Variants in SND1 observed in about 807,000 individuals in gnomAD.
SND1 encodes the protein staphylococcal nuclease domain-containing protein 1.
SND1 carries 38 observed loss-of-function variants against 121.7 expected under a neutral mutation model. That is an observed-to-expected ratio of 0.31 (90% CI 0.24 to 0.41). SND1 has a LOEUF of 0.41. Ranked by LOEUF, SND1 falls within the 10% of genes least tolerant of loss-of-function variation. SND1 has a pLI of 1.00. For missense variants in SND1, 868 were observed against 1,184.6 expected (o/e 0.73, Z 3.92); for synonymous variants, 401 against 447.4 (o/e 0.90, Z 1.31).
chr7:127,910,977 G>C (rs190405495), intron 14 of SND1, among the ~76,000 whole-genome samples: 1 of 152,326 alleles, frequency 6.6e-6, no homozygotes, highest in Admixed American at 6.5e-5. Flanking sequence ...CCAGCTCACT[G>C]TCTGCAGAAC....
rs552965910 is a variant in SND1, at chr7:127,721,814, CT to C, written c.1152+415del. ...GATTTGATAGTTCTTTATGTTTTTG[CT>C]CTAGGAAGAAATGAATCTTGGTATA... On this transcript the variant is annotated intron_variant, in intron 10 of 23. Coordinates refer to ENST00000354725, the MANE Select transcript of SND1 (RefSeq NM_014390.4). 3.3e-5 allele frequency among the ~76,000 whole-genome samples: 5 copies of C among 152,298 alleles called. No homozygotes were observed. The East Asian group carries it at 9.6e-4, about 29-fold the overall frequency.
chr7:128,014,541 G>C (rs896926192), intron 16 of SND1, among the ~76,000 whole-genome samples: 2 of 152,156 alleles, frequency 1.3e-5, no homozygotes, highest in Non-Finnish European at 2.9e-5. Flanking sequence ...CCCAAAGGCG[G>C]GTGGGAAGGC....
At chr7:127,967,794 G>C (rs888987753) in intron 15 of SND1, among the ~76,000 whole-genome samples, 2 of 152,204 alleles carry the variant, frequency 1.3e-5, no homozygotes, top group Non-Finnish European at 2.9e-5. Context: ...TGTTGACGTT[G>C]GTGAGGTCAT....
At chr7:128,004,828 C>T (rs928752295) in intron 16 of SND1, among the ~76,000 whole-genome samples, 1 of 152,306 alleles carries the variant, frequency 6.6e-6, no homozygotes, top group African/African-American at 2.4e-5. Context: ...GGTCAGTATC[C>T]GTTTCACCCT....
intron 15 of SND1, among the ~76,000 whole-genome samples, chr7:127,962,854 G>A (rs1228434312): frequency 2.0e-5 from 3 of 152,130 alleles, no homozygotes; most frequent in African/African-American, 7.2e-5. Context: ...TTGCAATCAG[G>A]CATAACATGT....
intron 9 of SND1, among the ~76,000 whole-genome samples, chr7:127,720,088 GA>G (rs1796465545): frequency 6.6e-6 from 1 of 152,168 alleles, no homozygotes. Context: ...GCAAGTAAAT[GA>G]ATACATTCTG....
chr7:127,756,858 ATAT>A (rs989682461), intron 10 of SND1, among the ~76,000 whole-genome samples: 4 of 152,228 alleles, frequency 2.6e-5, no homozygotes, highest in African/African-American at 9.6e-5. Context: ...ACTAATAAAA[ATAT>A]TATTTGTTTA....
At chr7:127,758,838 T>G (rs1002906196) in intron 10 of SND1, among the ~76,000 whole-genome samples, 1 of 152,066 alleles carries the variant, frequency 6.6e-6, no homozygotes, top group Non-Finnish European at 1.5e-5. Context: ...GAGGATCACT[T>G]AAGCCCAGAA....
At chr7:128,035,045 GCT>G (rs1285624641) in intron 16 of SND1, among the ~76,000 whole-genome samples, 1 of 152,246 alleles carries the variant, frequency 6.6e-6, no homozygotes, top group African/African-American at 2.4e-5. Context: ...CAGGGAGACT[GCT>G]GTGATAACGC....
chr7:128,021,104 A>G (rs538644323), intron 16 of SND1, among the ~76,000 whole-genome samples: 20 of 152,168 alleles, frequency 1.3e-4, no homozygotes, highest in Non-Finnish European at 2.8e-4. Flanking sequence ...TCTTAAAGAG[A>G]TGAATTGGAA....
chr7:127,971,171 A>G (rs1801978807), intron 15 of SND1, among the ~76,000 whole-genome samples: 1 of 152,108 alleles, frequency 6.6e-6, no homozygotes, highest in Admixed American at 6.5e-5. Flanking sequence ...TTTCGATGTC[A>G]CTTTTCCCTG....
At chr7:127,879,705 T>C (rs922360944) in intron 12 of SND1, among the ~76,000 whole-genome samples, 1 of 152,076 alleles carries the variant, frequency 6.6e-6, no homozygotes, top group Non-Finnish European at 1.5e-5. Context: ...CCTGTAATTG[T>C]GGGGAAAGTA....
At chr7:127,653,766 A>G (rs982397671) in intron 1 of SND1, among the ~76,000 whole-genome samples, 1 of 152,240 alleles carries the variant, frequency 6.6e-6, no homozygotes, top group African/African-American at 2.4e-5. Flanking sequence ...TTCTTAAGGT[A>G]ATAGTCTGCC....
chr7:127,946,922 A>G (rs1391056088), intron 15 of SND1, among the ~76,000 whole-genome samples: 1 of 152,204 alleles, frequency 6.6e-6, no homozygotes, highest in East Asian at 1.9e-4. Context: ...TAGAACCAGA[A>G]GATTTTGGTC....
chr7:127,990,474 CTT>C (rs1802495155), intron 15 of SND1, among the ~76,000 whole-genome samples: 1 of 152,146 alleles, frequency 6.6e-6, no homozygotes. Context: ...TGAATTAACA[CTT>C]TTGAATTTGG....
At chr7:127,804,925 G>A (rs559945072) in intron 10 of SND1, among the ~76,000 whole-genome samples, 17 of 152,190 alleles carry the variant, frequency 1.1e-4, no homozygotes, top group Middle Eastern at 3.4e-3. Context: ...ATATGAGTAC[G>A]CTGACACTTC....
At chr7:127,810,369 A>C (rs907175246) in intron 11 of SND1, among the ~76,000 whole-genome samples, 1 of 152,140 alleles carries the variant, frequency 6.6e-6, no homozygotes, top group African/African-American at 2.4e-5. Context: ...TCCTTGAAGC[A>C]TTTTGGAAAC....
intron 16 of SND1, among the ~76,000 whole-genome samples, chr7:128,056,159 G>T (rs1330458871): frequency 6.6e-6 from 1 of 152,242 alleles, no homozygotes; most frequent in Non-Finnish European, 1.5e-5. Context: ...TACTCAATAA[G>T]TGTTAATTCT....
At chr7:127,741,612 TCTC>T (rs1796883591) in intron 10 of SND1, among the ~76,000 whole-genome samples, 1 of 152,172 alleles carries the variant, frequency 6.6e-6, no homozygotes, top group Non-Finnish European at 1.5e-5. Flanking sequence ...ACTAGCCCTT[TCTC>T]CTCCTTCCTC....
Sources: allele counts gnomAD v4.1 joint callset (sites outside exome capture counted in the v4.1 genomes callset), GRCh38; gene constraint gnomAD v4.1.1; transcripts MANE v1.5; gene names NCBI Gene and HGNC (gene_info 2026-07-23, HGNC 2026-07-21).